The following HCFC1 variants were observed in gnomAD, a reference collection of about 807,000 sequenced individuals.
The protein encoded by HCFC1 is host cell factor 1.
A neutral mutation model predicts 105.5 loss-of-function variants in HCFC1; 7 were observed. The ratio of observed to expected loss-of-function variants is 0.07; its 90% CI spans 0.04 to 0.12. The LOEUF is 0.12. HCFC1 is among the 10% of genes least tolerant of loss of function. The pLI, the probability that HCFC1 is intolerant of heterozygous loss-of-function variation, is 1.00. For missense variants in HCFC1, 1,065 were observed against 1,823.6 expected, an observed-to-expected ratio of 0.58 and a Z score of 7.58; for synonymous variants, 918 against 828.1, an observed-to-expected ratio of 1.11 and a Z score of -1.86.
At chrX:153,950,764 C>CCTCA in intron 23 of HCFC1, 49 bp downstream of exon 23, 1 of 1,141,155 alleles carries the variant, frequency 8.8e-7, no homozygotes, top group Non-Finnish European at 1.2e-6. Flanking sequence ...TGTGCTGAGG[C>CCTCA]AGGCAGAAAC....
chrX:153,951,291 T>A (rs373363859), intron 22 of HCFC1, 59 bp downstream of exon 22: 2 of 1,170,457 alleles, frequency 1.7e-6, no homozygotes, highest in Non-Finnish European at 2.3e-6. Flanking sequence ...TAAGCCCCGC[T>A]CAGGGTGGTG....
At position 153,949,256 on chromosome X, in the gene HCFC1, A is replaced by T; in HGVS notation, c.*91T>A. ...AGCGGCTCGCGAGGGTGAAGTGCGAATGCTGGGACGGGGTGGGAGGGGTGG... is the reference window on the plus strand; with the variant it reads ...AGCGGCTCGCGAGGGTGAAGTGCGATTGCTGGGACGGGGTGGGAGGGGTGG... On this transcript the variant is annotated 3_prime_UTR_variant, in exon 26 of 26. Coordinates refer to ENST00000310441, the MANE Select transcript of HCFC1 (RefSeq NM_005334.3). 1.7e-6 allele frequency: 1 copy of T among 574,147 alleles called. No individual in the cohort carries two copies. The highest frequency in any genetic ancestry group is 4.3e-5 in the East Asian group (1 of 23,168). The allele number at this position is 574,147 out of a possible 1,213,427, so 47.3% of individuals were successfully genotyped here.
Position 153,951,358 on chromosome X carries a change from G to C in HCFC1, c.5509C>G (p.Pro1837Ala), listed in dbSNP as rs1557112377. Reference sequence around the variant, plus strand: ...CACCTGGGGACACTTACGTCTGATGGGACAGCATCATCTGGTGGCAGGAAA... The same window carrying C: ...CACCTGGGGACACTTACGTCTGATGCGACAGCATCATCTGGTGGCAGGAAA... ...HYFLPPDDAV[P>A]SDDDLGTVPD... Residue 1837 changes from proline to alanine, a missense_variant, in exon 22 of 26, where the codon CCA becomes GCA. Around this residue, in one of 17 missense-constraint regions of HCFC1, gnomAD observed 17 missense variants for 30.5 expected, o/e 0.56. Coordinates refer to ENST00000310441, the MANE Select transcript of HCFC1 (RefSeq NM_005334.3). 1.3e-5 allele frequency: 16 copies of C among 1,211,357 alleles called. No homozygotes were observed. Among genetic ancestry groups the C allele is most frequent in the Non-Finnish European group, 1.8e-5 (16 of 895,210 alleles).
intron 1 of HCFC1, among the ~76,000 whole-genome samples, chrX:153,967,481 G>A (rs185347709): frequency 8.2e-4 from 92 of 112,168 alleles, no homozygotes; most frequent in Non-Finnish European, 1.4e-3. Context: ...CAAGTTCAAC[G>A]AGCTGCCTTC....
Position 153,954,875 on chromosome X carries a change from C to T in HCFC1, c.3524G>A (p.Ser1175Asn). The T allele has an allele frequency of 8.7e-7, 1 of 1,153,667 alleles. No homozygotes were observed. Among genetic ancestry groups the T allele is most frequent in the Non-Finnish European group, 1.1e-6 (1 of 871,484 alleles). Residue 1175 changes from serine (S) to asparagine (N), a missense_variant, in exon 17 of 26, where the codon AGC becomes AAC. Coordinates refer to ENST00000310441, the MANE Select transcript of HCFC1 (RefSeq NM_005334.3). ...QCQTRQTSAT[S>N]TTMTVMATGA... ...GGTGGCCATCACAGTCATGGTGGTG[C>T]TGGTCGCGCTGGTCTGGCGGGTTTG...
chrX:153,962,187 C>T, intron 5 of HCFC1, 35 bp downstream of exon 5: 1 of 1,114,917 alleles, frequency 9.0e-7, no homozygotes, highest in Non-Finnish European at 1.2e-6. Flanking sequence ...CCACGCCAGT[C>T]TAGAGAAGAG....
Position 153,954,668 on chromosome X carries a change from C to G in HCFC1, c.3731G>C (p.Arg1244Pro), listed in dbSNP as rs782013532. The G allele has an allele frequency of 1.7e-6, 2 of 1,206,277 alleles. No homozygotes were observed. The highest frequency in any genetic ancestry group is 2.2e-5 in the Admixed American group (1 of 45,547). Residue 1244 changes from arginine to proline, a missense_variant, in exon 17 of 26, where the codon CGT becomes CCT. Coordinates refer to ENST00000310441, the MANE Select transcript of HCFC1 (RefSeq NM_005334.3). ...GGGCTCCCCAGCACCCACGCTGGAA[C>G]GGGTCATGGCAGCGGTGCTGACCGC... ...SHAVSTAAMT[R>P]SSVGAGEPRM...
In HCFC1 at chrX:153,949,111, AGC is replaced by A. The variant is rs2065284660; in HGVS notation, c.*234_*235del. ...GTGGGCGGCAGCGGGGAGGAAAGGA[AGC>A]GCGCTCCTCTCTCTGCTTTCCCATC... On this transcript the variant is annotated 3_prime_UTR_variant, in exon 26 of 26. Coordinates refer to ENST00000310441, the MANE Select transcript of HCFC1 (RefSeq NM_005334.3). 6.5e-6 allele frequency: 2 copies of A among 307,477 alleles called. No individual in the cohort carries two copies. The highest frequency in any genetic ancestry group is 1.1e-5 in the Non-Finnish European group (2 of 174,706). 25.3% of individuals were successfully genotyped at this position (307,477 alleles called of 1,213,427 possible).
intron 1 of HCFC1, among the ~76,000 whole-genome samples, chrX:153,965,642 T>A (rs1294551394): frequency 8.9e-6 from 1 of 111,952 alleles, no homozygotes; most frequent in African/African-American, 3.2e-5. Flanking sequence ...CTGGGTGAGA[T>A]CTCAGCAAGC....
Position 153,960,229 on chromosome X carries a change from G to A in HCFC1, c.1084+6C>T, listed in dbSNP as rs1557116430. 3 of 1,189,930 alleles carry A rather than the reference G, an allele frequency of 2.5e-6. No individual in the cohort carries two copies. In the South Asian group the frequency reaches 5.5e-5, roughly 22 times the overall value. The stretch of plus-strand genomic sequence containing the variant: ...GGAGGAGGGGAGTCGGCTGGGCCGG[G>A]CCTACCTGTCTCTAGGTACCAGAGG... On this transcript the variant is annotated splice_donor_region_variant and intron_variant, in intron 7 of 25. Transcript: ENST00000310441.
intron 9 of HCFC1, among the ~76,000 whole-genome samples, chrX:153,959,023 G>A (rs1569546857): frequency 8.8e-6 from 1 of 113,087 alleles, no homozygotes; most frequent in Non-Finnish European, 1.9e-5. Flanking sequence ...ACCAGAGTCA[G>A]GTCCCGTTGA....
In HCFC1 at chrX:153,958,753, C is replaced by T. The variant is rs1371517855; in HGVS notation, c.1619G>A (p.Ser540Asn). 3 of 1,163,944 alleles carry T rather than the reference C, an allele frequency of 2.6e-6. No individual in the cohort carries two copies. The highest frequency in any genetic ancestry group is 3.5e-6 in the Non-Finnish European group (3 of 868,871). Residue 540 changes from serine (S) to asparagine (N), a missense_variant, in exon 10 of 26, where the codon AGC (serine) becomes AAC (asparagine). Ser to Asn is a conservative substitution (Grantham distance 46). Transcript: ENST00000310441. The stretch of plus-strand genomic sequence containing the variant: ...TGCGGCCATCCCACTCATCTGTGGG[C>T]TACTGCCAATCACCTGCAGCAGGCA... ...QSAQGTVIGS[S>N]PQMSGMAALA...
At chrX:153,967,885 A>G (rs2065487450) in intron 1 of HCFC1, among the ~76,000 whole-genome samples, 1 of 111,577 alleles carries the variant, frequency 9.0e-6, no homozygotes, top group Non-Finnish European at 1.9e-5. Context: ...GCAATGAACA[A>G]TTAGATACAG....
rs1603294246 is a variant in HCFC1 at position 153,950,720 on chromosome X, C to T, written c.5703+93G>A. 9 of 980,072 alleles carry T rather than the reference C, an allele frequency of 9.2e-6. No individual in the cohort carries two copies. The East Asian group carries it at 2.1e-4, about 23-fold the overall frequency. The allele number at this position is 980,072 out of a possible 1,213,427, so 80.8% of individuals were successfully genotyped here. A position where few individuals can be genotyped will look rare whatever the true frequency, so the allele number is the denominator to read the frequency against. ...GACTAAGACAAACTGGGACTCAAAA[C>T]CTAGCTCTCCTATGCCCCCCCCCGG... is the stretch of plus-strand genomic sequence containing the variant. On this transcript the variant is annotated intron_variant, in intron 23 of 25. Transcript: ENST00000310441.
chrX:153,962,966 C>T (rs2065443241), intron 4 of HCFC1, among the ~76,000 whole-genome samples: 1 of 112,261 alleles, frequency 8.9e-6, no homozygotes, highest in Non-Finnish European at 1.9e-5. Context: ...TTCTAGAAAG[C>T]CTTAATGACT....
rs1481440681 is a variant in HCFC1 at position 153,951,013 on chromosome X, G to A, written c.5518-15C>T. 1 of 1,203,788 alleles carries A rather than the reference G, an allele frequency of 8.3e-7. No individual in the cohort carries two copies. Among genetic ancestry groups the A allele is most frequent in the Non-Finnish European group, 1.1e-6 (1 of 889,008 alleles). On this transcript the variant is annotated splice_polypyrimidine_tract_variant and intron_variant, in intron 22 of 25. Coordinates refer to ENST00000310441, the MANE Select transcript of HCFC1 (RefSeq NM_005334.3). ...CCCAAATCATCCTAGGAAAAGAGGA[G>A]TGGCATGAACGCCACTGTGGAGAAG...
Position 153,954,904 on chromosome X carries a change from C to A in HCFC1, c.3495G>T (p.Gln1165His). The A allele has an allele frequency of 8.5e-7, 1 of 1,169,766 alleles. No individual in the cohort carries two copies. Among genetic ancestry groups the A allele is most frequent in the Non-Finnish European group, 1.1e-6 (1 of 877,841 alleles). Residue 1165 changes from glutamine to histidine, a missense_variant, in exon 17 of 26, where the codon CAG (glutamine) becomes CAT (histidine). Coordinates refer to ENST00000310441, the MANE Select transcript of HCFC1 (RefSeq NM_005334.3). ...TCGCGCTGGTCTGGCGGGTTTGGCA[C>A]TGGGACTTAGAGCCCTGGGCTGCCT... ...ALEAAQGSKS[Q>H]CQTRQTSATS...
chrX:153,952,901 G>A lies in HCFC1; in HGVS notation c.4555C>T (p.Leu1519Phe), dbSNP rs781983803. 5.1e-6 allele frequency: 6 copies of A among 1,180,155 alleles called. No homozygotes were observed. The Admixed American group carries it at 9.7e-5, about 19-fold the overall frequency. ...AGGGCTGTGGAAGCCGACTGCAGAA[G>A]CTGCCGTGGCGGCAGCTGCTGGCGA... ...GPRQQLPPRQLLQSASTALMG... is the reference protein window; with the variant it reads ...GPRQQLPPRQFLQSASTALMG... The change falls in exon 19 of 26, where the codon CTT (leucine) becomes TTT (phenylalanine). Residue 1519 changes from leucine to phenylalanine, a missense_variant. Physicochemically the swap from Leu to Phe is conservative, Grantham distance 22 (BLOSUM62 0). Coordinates refer to ENST00000310441, the MANE Select transcript of HCFC1 (RefSeq NM_005334.3).
At chrX:153,965,200 G>A (rs1290471733) in intron 1 of HCFC1, among the ~76,000 whole-genome samples, 2 of 111,149 alleles carry the variant, frequency 1.8e-5, no homozygotes, top group Admixed American at 9.5e-5. Context: ...GAGCCATGGG[G>A]ATGAGACCCG....
Sources: gnomAD v4.1 joint callset for allele counts (sites outside exome capture counted in the v4.1 genomes callset) on GRCh38, gnomAD v4.1.1 for gene constraint, gnomAD v4.1.1 regional missense constraint, MANE v1.5 for transcripts, NCBI Gene and HGNC (gene_info 2026-07-23, HGNC 2026-07-21) for gene names.